Variants in BBS9 observed in about 807,000 individuals in gnomAD.
BBS9 encodes Bardet-Biedl syndrome 9.
A neutral mutation model predicts 117.7 loss-of-function variants in BBS9; 89 were observed. The observed-to-expected ratio is 0.76, with a 90% confidence interval of 0.64 to 0.90. The LOEUF (loss-of-function observed/expected upper bound fraction) is 0.90, where lower values mean the gene tolerates loss of function less well. BBS9 is among the 40% of genes least tolerant of loss of function. BBS9 has a pLI of 0.00. For synonymous variants in BBS9, 379 were observed against 370.9 expected, an observed-to-expected ratio of 1.02 and a Z score of -0.25; for missense variants, 982 against 1,042.2, an observed-to-expected ratio of 0.94 and a Z score of 0.80.
intron 19 of BBS9, among the ~76,000 whole-genome samples, chr7:33,391,348 G>A (rs184272300): frequency 1.4e-4 from 21 of 151,768 alleles, no homozygotes; most frequent in East Asian, 3.9e-4. Flanking sequence ...CCTGTTTAGC[G>A]TTTTTTTTCC....
At chr7:33,399,051 G>A (rs1289608913) in intron 19 of BBS9, among the ~76,000 whole-genome samples, 1 of 152,124 alleles carries the variant, frequency 6.6e-6, no homozygotes, top group African/African-American at 2.4e-5. Context: ...AATTATTAAT[G>A]AGGTATTTTA....
intron 1 of BBS9, among the ~76,000 whole-genome samples, chr7:33,134,215 A>ATTTTTTTTTTTT (rs59609414): frequency 2.2e-4 from 26 of 118,042 alleles, no homozygotes; most frequent in African/African-American, 4.0e-4. Flanking sequence ...ACGCCTGGCT[A>ATTTTTTTTTTTT]TTTTTTTTTT....
At chr7:33,354,281 A>G (rs1399972205) in intron 15 of BBS9, among the ~76,000 whole-genome samples, 1 of 152,156 alleles carries the variant, frequency 6.6e-6, no homozygotes, top group East Asian at 1.9e-4. Context: ...AAGGCTTCAT[A>G]TTTCAAAGAC....
intron 20 of BBS9, among the ~76,000 whole-genome samples, chr7:33,511,843 C>T (rs1225478112): frequency 2.0e-5 from 3 of 152,156 alleles, no homozygotes; most frequent in Non-Finnish European, 4.4e-5. Context: ...AAGACTTCTA[C>T]GTCATAGGTC....
At chr7:33,602,891 A>T (rs1407030796) in intron 21 of BBS9, among the ~76,000 whole-genome samples, 1 of 152,154 alleles carries the variant, frequency 6.6e-6, no homozygotes, top group African/African-American at 2.4e-5. Context: ...CCGTCTCTGT[A>T]TGTGGGATAG....
At chr7:33,378,870 A>C (rs1297551605) in intron 17 of BBS9, among the ~76,000 whole-genome samples, 1 of 152,176 alleles carries the variant, frequency 6.6e-6, no homozygotes, top group African/African-American at 2.4e-5. Flanking sequence ...TCAAGAACTC[A>C]GCTCTGGCCA....
At chr7:33,629,640 A>G (rs144639361) in intron 21 of BBS9, among the ~76,000 whole-genome samples, 1 of 152,294 alleles carries the variant, frequency 6.6e-6, no homozygotes, top group Non-Finnish European at 1.5e-5. Flanking sequence ...AGCTCAAGTG[A>G]TACTATTTTG....
At chr7:33,594,397 C>G (rs1305896322) in intron 21 of BBS9, among the ~76,000 whole-genome samples, 1 of 150,822 alleles carries the variant, frequency 6.6e-6, no homozygotes, top group Non-Finnish European at 1.5e-5. Flanking sequence ...CCCTCTGCAG[C>G]TGAACACTGT....
intron 1 of BBS9, among the ~76,000 whole-genome samples, chr7:33,134,519 TC>T (rs1278352399): frequency 6.6e-6 from 1 of 152,232 alleles, no homozygotes; most frequent in African/African-American, 2.4e-5. Flanking sequence ...AAATATTTTC[TC>T]CCATCATTTC....
chr7:33,309,555 A>T (rs912449469), intron 9 of BBS9, among the ~76,000 whole-genome samples: 19 of 152,302 alleles, frequency 1.2e-4, no homozygotes, highest in African/African-American at 3.6e-4. Context: ...AACAGAGGTG[A>T]TGGGTTAATT....
rs1563066565 is a variant in BBS9, at chr7:33,363,959, T to TC, written c.1694-3808_1694-3807insC. ...ATTTTTTTTTTTATTTTTTATTTTTTTTTTTTTGAGACGGAGTCTCGCTCT... is the reference window on the plus strand; with the variant it reads ...ATTTTTTTTTTTATTTTTTATTTTTTCTTTTTTTGAGACGGAGTCTCGCTCT... On this transcript the variant is annotated intron_variant, in intron 16 of 22. Coordinates refer to ENST00000242067, the MANE Select transcript of BBS9 (RefSeq NM_198428.3). Among the ~76,000 whole-genome samples the TC allele has an allele frequency of 3.3e-5, 3 of 91,976 alleles. 1 individual carries two copies. The highest frequency in any genetic ancestry group is 1.4e-4 in the African/African-American group (3 of 21,900). 60.3% of individuals were successfully genotyped at this position (91,976 alleles called of 152,430 possible).
intron 19 of BBS9, among the ~76,000 whole-genome samples, chr7:33,449,633 G>T (rs186987779): frequency 2.2e-4 from 33 of 152,258 alleles, no homozygotes; most frequent in Non-Finnish European, 2.9e-4. Context: ...TATTGGAATG[G>T]TCAGCATGTA....
intron 9 of BBS9, among the ~76,000 whole-genome samples, chr7:33,292,588 G>T (rs1804292708): frequency 1.3e-5 from 2 of 152,106 alleles, no homozygotes; most frequent in South Asian, 4.2e-4. Context: ...ATTATGTCAG[G>T]TGAATATCCC....
chr7:33,349,292 A>G (rs1007403519), intron 13 of BBS9, 122 bp downstream of exon 13: 1 of 751,822 alleles, frequency 1.3e-6, no homozygotes, highest in Admixed American at 2.0e-5. Context: ...CCCAAAATCA[A>G]TGATTGTGTT....
intron 21 of BBS9, among the ~76,000 whole-genome samples, chr7:33,598,319 A>AT (rs1427545211): frequency 1.3e-5 from 2 of 152,166 alleles, no homozygotes; most frequent in Non-Finnish European, 2.9e-5. Context: ...AGTATCATGC[A>AT]ATATACCTGA....
At chr7:33,445,986 G>C (rs980633560) in intron 19 of BBS9, among the ~76,000 whole-genome samples, 22 of 152,108 alleles carry the variant, frequency 1.4e-4, no homozygotes, top group African/African-American at 4.8e-4. Flanking sequence ...AGTATCATTA[G>C]AGCAGTGTGA....
chr7:33,597,941 C>T (rs1387463894), intron 21 of BBS9, among the ~76,000 whole-genome samples: 5 of 151,372 alleles, frequency 3.3e-5, no homozygotes, highest in African/African-American at 7.3e-5. Flanking sequence ...GTGTGCTGAG[C>T]GTGATGCTAG....
intron 5 of BBS9, among the ~76,000 whole-genome samples, chr7:33,230,887 G>A (rs1361986451): frequency 6.6e-6 from 1 of 152,146 alleles, no homozygotes; most frequent in Non-Finnish European, 1.5e-5. Context: ...ACATATGCAT[G>A]CAGGTGTGTT....
chr7:33,297,526 A>G (rs1450498136), intron 9 of BBS9, among the ~76,000 whole-genome samples: 4 of 152,168 alleles, frequency 2.6e-5, no homozygotes, highest in African/African-American at 7.2e-5. Flanking sequence ...TAATTCTGGC[A>G]TCATATACCT....
Sources: allele counts gnomAD v4.1 joint callset (sites outside exome capture counted in the v4.1 genomes callset), GRCh38; gene constraint gnomAD v4.1.1; transcripts MANE v1.5; gene names NCBI Gene and HGNC (gene_info 2026-07-23, HGNC 2026-07-21).